Variants in MYRIP observed in about 807,000 individuals in gnomAD.
MYRIP encodes myosin VIIA and Rab interacting protein.
A neutral mutation model predicts 98.0 loss-of-function variants in MYRIP; 49 were observed. That is an observed-to-expected ratio of 0.50 (90% CI 0.40 to 0.63). MYRIP has a LOEUF of 0.63. Among genes scored for constraint, MYRIP ranks in the 30% least tolerant of loss-of-function variants. The probability of loss-of-function intolerance (pLI) is 0.00; values close to 1 mark genes in which losing one functional copy is unlikely to be tolerated. For synonymous variants in MYRIP, 404 were observed against 409.5 expected (o/e 0.99, Z 0.16); for missense variants, 1,004 against 1,058.2 (o/e 0.95, Z 0.71).
chr3:39,903,163 A>G (rs1417111061), intron 2 of MYRIP, among the ~76,000 whole-genome samples: 1 of 152,246 alleles, frequency 6.6e-6, no homozygotes, highest in Non-Finnish European at 1.5e-5. Context: ...AGCAAAGAAT[A>G]TTACTGTCGA....
At chr3:40,158,102 G>A (rs1026257548) in intron 4 of MYRIP, among the ~76,000 whole-genome samples, 17 of 151,552 alleles carry the variant, frequency 1.1e-4, no homozygotes, top group African/African-American at 2.9e-4. Context: ...TGTCCATTTT[G>A]GATCTTTCCT....
At chr3:40,094,415 A>C (rs1352062692) in intron 3 of MYRIP, among the ~76,000 whole-genome samples, 3 of 152,030 alleles carry the variant, frequency 2.0e-5, no homozygotes, top group Non-Finnish European at 4.4e-5. Flanking sequence ...CCACGCCCTA[A>C]CTCCTCAGTC....
intron 3 of MYRIP, among the ~76,000 whole-genome samples, chr3:40,130,406 C>G (rs1213579129): frequency 7.1e-5 from 10 of 141,764 alleles, no homozygotes; most frequent in Admixed American, 4.3e-4. Context: ...GAGACGGAGT[C>G]TCGCTCTGTG....
chr3:40,178,320 G>A (rs1406405340), intron 8 of MYRIP, among the ~76,000 whole-genome samples: 1 of 152,230 alleles, frequency 6.6e-6, no homozygotes, highest in Non-Finnish European at 1.5e-5. Flanking sequence ...TGTAACAAAA[G>A]TAACTGATGA....
At chr3:39,828,486 T>C (rs887736911) in intron 1 of MYRIP, among the ~76,000 whole-genome samples, 2 of 151,926 alleles carry the variant, frequency 1.3e-5, no homozygotes, top group Admixed American at 1.3e-4. Context: ...TATAATATCT[T>C]TTATTTTTCC....
At chr3:40,210,194 GCT>G (rs1384246172) in intron 11 of MYRIP, 101 bp downstream of exon 11, 2 of 1,424,290 alleles carry the variant, frequency 1.4e-6, no homozygotes, top group Admixed American at 5.2e-5. Flanking sequence ...TCCCCAAAGA[GCT>G]CTCTCTAAAA....
intron 1 of MYRIP, among the ~76,000 whole-genome samples, chr3:39,898,274 T>A (rs1243542479): frequency 1.3e-5 from 2 of 152,146 alleles, no homozygotes; most frequent in African/African-American, 2.4e-5. Context: ...AAAAATAAAA[T>A]TTTTTAAAAA....
chr3:40,194,740 T>C (rs1306069538), intron 10 of MYRIP, among the ~76,000 whole-genome samples: 1 of 152,144 alleles, frequency 6.6e-6, no homozygotes, highest in Non-Finnish European at 1.5e-5. Context: ...TTCAGTGAAG[T>C]TTTATAGATT....
chr3:40,152,163 T>C (rs1014007610), intron 4 of MYRIP, among the ~76,000 whole-genome samples: 1 of 152,198 alleles, frequency 6.6e-6, no homozygotes, highest in Non-Finnish European at 1.5e-5. Context: ...TTTATCACCA[T>C]TTCAACAATT....
chr3:40,244,517 C>T lies in MYRIP; in HGVS notation c.2172C>T (p.Cys724=), dbSNP rs1418235105. ...QLTELEDAAR[C]IHSGTDETHL... Reference sequence around the variant, plus strand: ...CTGAGCTAGAAGATGCCGCCCGCTGCATCCACAGTGGCACTGATGAGACCC... The same window carrying T: ...CTGAGCTAGAAGATGCCGCCCGCTGTATCCACAGTGGCACTGATGAGACCC... The change falls in exon 13 of 17, where the codon TGC becomes TGT. Residue 724 remains cysteine, a synonymous_variant. Transcript: ENST00000302541. The T allele has an allele frequency of 3.1e-6, 5 of 1,613,908 alleles. No homozygotes were observed. The highest frequency in any genetic ancestry group is 1.3e-5 in the African/African-American group (1 of 74,904).
intron 1 of MYRIP, among the ~76,000 whole-genome samples, chr3:39,887,075 GCTCCTGAATGA>G (rs891998170): frequency 1.3e-5 from 2 of 151,906 alleles, no homozygotes; most frequent in Admixed American, 1.3e-4. Flanking sequence ...TGAACAACCT[GCTCCTGAATGA>G]CTACTGGGTA....
intron 3 of MYRIP, among the ~76,000 whole-genome samples, chr3:40,058,958 G>A (rs536699595): frequency 8.6e-5 from 5 of 57,942 alleles, no homozygotes; most frequent in Admixed American, 2.6e-4. Context: ...AACAGGCCCC[G>A]GTGTGTGATG....
chr3:40,130,614 T>C (rs886182546), intron 3 of MYRIP, among the ~76,000 whole-genome samples: 36 of 151,918 alleles, frequency 2.4e-4, no homozygotes, highest in Middle Eastern at 3.4e-3. Flanking sequence ...TCTCCTGACC[T>C]CGTGATCCGC....
intron 10 of MYRIP, among the ~76,000 whole-genome samples, chr3:40,203,983 A>ATATT (rs1951678046): frequency 6.1e-4 from 1 of 1,632 alleles, no homozygotes; most frequent in African/African-American, 1.5e-3. Flanking sequence ...TATTATATAT[A>ATATT]ATATATATTA....
intron 1 of MYRIP, among the ~76,000 whole-genome samples, chr3:39,870,326 T>C (rs1942748001): frequency 6.6e-6 from 1 of 152,104 alleles, no homozygotes; most frequent in Non-Finnish European, 1.5e-5. Context: ...CTGGATTAGG[T>C]TGTAGCAAGC....
intron 1 of MYRIP, among the ~76,000 whole-genome samples, chr3:39,862,215 G>T (rs187228980): frequency 2.0e-4 from 30 of 152,232 alleles, no homozygotes; most frequent in African/African-American, 6.5e-4. Context: ...TTCCAAACAA[G>T]AATTTCATTT....
intron 8 of MYRIP, among the ~76,000 whole-genome samples, chr3:40,177,142 G>A (rs1364732461): frequency 4.6e-5 from 7 of 150,806 alleles, no homozygotes; most frequent in African/African-American, 1.2e-4. Context: ...CCAATGGGCC[G>A]AGTTTCAGTT....
chr3:39,966,807 T>C (rs1267667805), intron 2 of MYRIP, among the ~76,000 whole-genome samples: 1 of 152,110 alleles, frequency 6.6e-6, no homozygotes, highest in Non-Finnish European at 1.5e-5. Flanking sequence ...CCTCACTCTC[T>C]CCCTCTAGTC....
chr3:40,021,850 A>G (rs1430609122), intron 2 of MYRIP, among the ~76,000 whole-genome samples: 1 of 152,216 alleles, frequency 6.6e-6, no homozygotes, highest in Non-Finnish European at 1.5e-5. Flanking sequence ...TAAGAATCCT[A>G]TCCCTTAGTG....
Sources: allele counts gnomAD v4.1 joint callset (sites outside exome capture counted in the v4.1 genomes callset), GRCh38; gene constraint gnomAD v4.1.1; transcripts MANE v1.5; gene names NCBI Gene and HGNC (gene_info 2026-07-23, HGNC 2026-07-21).